ZNF469: variants seen among roughly 807,000 people sequenced by gnomAD.
ZNF469 encodes the protein zinc finger protein 469.
In ZNF469, 1 loss-of-function variant was observed where a neutral mutation model predicts 1.0. That is an observed-to-expected ratio of 1.00 (90% CI 0.35 to 4.73). The LOEUF is 4.73. ZNF469 is among the 30% of genes most tolerant of loss of function. The pLI, the probability that ZNF469 is intolerant of heterozygous loss-of-function variation, is 0.16. For missense variants in ZNF469, 6,100 were observed against 5,356.3 expected (o/e 1.14, Z -4.33); for synonymous variants, 2,703 against 2,363.4 (o/e 1.14, Z -4.17).
upstream of ZNF469, among the ~76,000 whole-genome samples, chr16:88,382,627 G>A (rs950289786): frequency 6.6e-6 from 1 of 152,234 alleles, no homozygotes; most frequent in Non-Finnish European, 1.5e-5. Flanking sequence ...ACAGGGACAA[G>A]CGTGTCATGT....
the ZNF469 span, among the ~76,000 whole-genome samples, chr16:88,261,700 A>T: frequency 9.2e-5 from 14 of 151,982 alleles, no homozygotes; most frequent in Non-Finnish European, 1.8e-4. This position sits in a 1 kb window ranked among gnomAD's most constrained non-coding sequence, Gnocchi z 6.0. Context: ...CAGCCCTACC[A>T]CAGGGCAAGT....
At chr16:88,117,664 C>T in the ZNF469 span, among the ~76,000 whole-genome samples, 1 of 150,506 alleles carries the variant, frequency 6.6e-6, no homozygotes, top group Non-Finnish European at 1.5e-5. Flanking sequence ...CTTCACAAAC[C>T]GTGGAGGTGC....
upstream of ZNF469, among the ~76,000 whole-genome samples, chr16:88,378,566 G>A (rs554628887): frequency 2.6e-5 from 4 of 152,122 alleles, no homozygotes; most frequent in Non-Finnish European, 5.9e-5. Flanking sequence ...CATAGGGAGC[G>A]CCGAGTCTGC....
At chr16:88,161,558 C>T in the ZNF469 span, among the ~76,000 whole-genome samples, 5 of 152,320 alleles carry the variant, frequency 3.3e-5, no homozygotes, top group East Asian at 1.9e-4. Flanking sequence ...TTAGAGAAAA[C>T]GTCCTTGCCT....
the ZNF469 span, among the ~76,000 whole-genome samples, chr16:88,360,702 A>G: frequency 1.5e-5 from 2 of 137,418 alleles, no homozygotes; most frequent in Non-Finnish European, 3.1e-5. Context: ...GTGCTCCCTC[A>G]ATGGCAGTCC....
At chr16:88,112,804 G>C in the ZNF469 span, among the ~76,000 whole-genome samples, 1 of 119,484 alleles carries the variant, frequency 8.4e-6, no homozygotes, top group East Asian at 2.6e-4. Flanking sequence ...TTGAGATGGA[G>C]TCTTGCTCTG....
the ZNF469 span, among the ~76,000 whole-genome samples, chr16:88,129,678 C>T: frequency 1.8e-3 from 268 of 152,238 alleles, 3 homozygotes; most frequent in African/African-American, 6.2e-3. Context: ...ACATGGGAGA[C>T]CCCATCCCTA....
chr16:88,438,760 A>G lies in ZNF469; in HGVS notation c.11290A>G (p.Thr3764Ala), dbSNP rs1049352616. 1 of 1,549,524 alleles carries G rather than the reference A, an allele frequency of 6.5e-7. No homozygotes were observed. Among genetic ancestry groups the G allele is most frequent in the Non-Finnish European group, 8.7e-7 (1 of 1,146,754 alleles). The change falls in exon 3 of 3, where the codon ACC becomes GCC. Residue 3764 changes from threonine to alanine, a missense_variant. By Grantham distance (58) the Thr-to-Ala change is moderately conservative (BLOSUM62 0). Transcript: ENST00000565624. Reference protein sequence around the residue: ...SGQLQSETATTPAKPSFPSRS... With the variant: ...SGQLQSETATAPAKPSFPSRS... ...GCAGCTCCAGAGCGAGACAGCCACC[A>G]CCCCAGCCAAGCCCAGCTTCCCCAG...
chr16:88,367,882 C>T, the ZNF469 span, among the ~76,000 whole-genome samples: 1 of 152,238 alleles, frequency 6.6e-6, no homozygotes, highest in South Asian at 2.1e-4. Flanking sequence ...GCAGCCCCCA[C>T]ACTGCTGAAC....
the ZNF469 span, among the ~76,000 whole-genome samples, chr16:88,333,719 C>T: frequency 1.3e-5 from 2 of 152,074 alleles, no homozygotes; most frequent in African/African-American, 4.8e-5. Context: ...ATTCTTCCCA[C>T]GGATGCGGGC....
rs1225630635 is a variant in ZNF469, at chr16:88,434,331, C to T, written c.6861C>T (p.Gly2287=). ...VSPSVAVRAT[G]LSSTPTGDEA... The stretch of plus-strand genomic sequence containing the variant: ...CCAGCGTGGCCGTCAGGGCTACTGG[C>T]CTGTCCAGCACTCCCACCGGAGATG... The change falls in exon 3 of 3, where the codon GGC becomes GGT. Residue 2287 remains glycine (G), a synonymous_variant. Transcript: ENST00000565624. 1 of 1,550,180 alleles carries T rather than the reference C, an allele frequency of 6.5e-7. No homozygotes were observed. The highest frequency in any genetic ancestry group is 1.4e-5 in the African/African-American group (1 of 73,056).
Position 88,424,932 on chromosome 16 carries a change from T to G in ZNF469, c.-127+61T>G, listed in dbSNP as rs140860713. On this transcript the variant is annotated intron_variant, in intron 2 of 2. Coordinates refer to ENST00000565624, the MANE Select transcript of ZNF469 (RefSeq NM_001367624.2). The surrounding 1 kb of genome is among the most constrained non-coding windows in gnomAD (Gnocchi z 4.3). ...ACAGATGCTCTGGTCTTGATGGTCC[T>G]GAGGCCCCCTCCGCCCCCACCCGCC... 0.013 allele frequency among the ~76,000 whole-genome samples: 1,935 copies of G among 152,290 alleles called. 46 individuals carry two copies. The highest frequency in any genetic ancestry group is 0.044 in the African/African-American group (1,826 of 41,560).
In ZNF469 at chr16:88,435,794, C is replaced by T. The variant is rs1193846886; in HGVS notation, c.8324C>T (p.Ala2775Val). 3.2e-6 allele frequency: 5 copies of T among 1,550,566 alleles called. No individual in the cohort carries two copies. The highest frequency in any genetic ancestry group is 1.4e-5 in the African/African-American group (1 of 73,176). ...GVCKESGSEP[A>V]EDSSRAHSRS... Reference sequence around the variant, plus strand: ...TGCAAAGAGTCTGGGAGCGAGCCTGCGGAGGACAGCAGCAGGGCCCACAGC... The same window carrying T: ...TGCAAAGAGTCTGGGAGCGAGCCTGTGGAGGACAGCAGCAGGGCCCACAGC... Residue 2775 changes from alanine (A) to valine (V), a missense_variant, in exon 3 of 3, where the codon GCG (alanine) becomes GTG (valine). Physicochemically the swap from Ala to Val is moderately conservative, Grantham distance 64. Transcript: ENST00000565624.
At chr16:88,349,717 C>T in the ZNF469 span, among the ~76,000 whole-genome samples, 1 of 148,862 alleles carries the variant, frequency 6.7e-6, no homozygotes, top group Non-Finnish European at 1.5e-5. Context: ...CACAAGTACA[C>T]ATCCAGCACA....
At chr16:88,367,989 G>T in the ZNF469 span, among the ~76,000 whole-genome samples, 17 of 152,282 alleles carry the variant, frequency 1.1e-4, no homozygotes, top group South Asian at 3.5e-3. Context: ...AAGCACGCCC[G>T]ATCTCAACTC....
rs1160083016 is a variant in ZNF469, at chr16:88,397,642, TG to T, written c.-192+14390del. ...ATGGGTGGATGGATGGATGGATGGA[TG>T]GATATAAATAAGAGATAGATAGATA... is the stretch of plus-strand genomic sequence containing the variant. On this transcript the variant is annotated intron_variant, in intron 1 of 2. Coordinates refer to ENST00000565624, the MANE Select transcript of ZNF469 (RefSeq NM_001367624.2). Among the ~76,000 whole-genome samples the T allele has an allele frequency of 3.0e-3, 169 of 57,120 alleles. 1 individual carries two copies. The highest frequency in any genetic ancestry group is 0.011 in the African/African-American group (97 of 8,934). The allele number at this position is 57,120 out of a possible 152,430, so 37.5% of individuals were successfully genotyped here.
chr16:88,112,019 C>T, the ZNF469 span, among the ~76,000 whole-genome samples: 1 of 151,996 alleles, frequency 6.6e-6, no homozygotes, highest in Admixed American at 6.5e-5. Context: ...ATGACAGGAT[C>T]TCGTTCTTTT....
At chr16:88,169,490 A>T in the ZNF469 span, among the ~76,000 whole-genome samples, 1 of 152,210 alleles carries the variant, frequency 6.6e-6, no homozygotes, top group East Asian at 1.9e-4. This position sits in a 1 kb window ranked among gnomAD's most constrained non-coding sequence, Gnocchi z 6.1. Flanking sequence ...TCCAGTACGC[A>T]ACCTTTCACC....
the ZNF469 span, among the ~76,000 whole-genome samples, chr16:88,204,714 C>T: frequency 6.6e-6 from 1 of 152,212 alleles, no homozygotes; most frequent in Non-Finnish European, 1.5e-5. Context: ...TGGTCACAGC[C>T]GTCTCCGCTG....
Sources: gnomAD v4.1 joint callset for allele counts (sites outside exome capture counted in the v4.1 genomes callset) on GRCh38, gnomAD v4.1.1 for gene constraint, Gnocchi (gnomAD v3.1) non-coding constraint, MANE v1.5 for transcripts, NCBI Gene and HGNC (gene_info 2026-07-23, HGNC 2026-07-21) for gene names.